LINC00632: variants seen among roughly 807,000 people sequenced by gnomAD.
LINC00632 encodes the protein long independently transcribed non-coding RNA 632, also known as ALDOA related specific transcript.
chrX:140,725,805 CA>C (rs774437121), intron 2 of LINC00632, among the ~76,000 whole-genome samples: 97 of 111,841 alleles, frequency 8.7e-4, no homozygotes, highest in African/African-American at 3.1e-3. Flanking sequence ...TATGCCCTAC[CA>C]AACAACTTTT....
chrX:140,721,224 C>T (rs1930723351), intron 2 of LINC00632, among the ~76,000 whole-genome samples: 1 of 111,659 alleles, frequency 9.0e-6, no homozygotes, highest in African/African-American at 3.3e-5. Context: ...AAGATATGTG[C>T]CTGTAATACC....
intron 3 of LINC00632, among the ~76,000 whole-genome samples, chrX:140,740,800 G>C (rs1188880507): frequency 9.0e-6 from 1 of 111,417 alleles, no homozygotes; most frequent in Non-Finnish European, 1.9e-5. Context: ...TTTTGCACTA[G>C]GCCCCACCAA....
At chrX:140,757,555 G>A (rs1423705810) in intron 3 of LINC00632, among the ~76,000 whole-genome samples, 2 of 111,041 alleles carry the variant, frequency 1.8e-5, no homozygotes, top group Non-Finnish European at 3.8e-5. Flanking sequence ...TGTGACTTCT[G>A]TTTGTATAAT....
At chrX:140,755,957 G>C (rs181067449) in intron 3 of LINC00632, among the ~76,000 whole-genome samples, 1 of 109,231 alleles carries the variant, frequency 9.2e-6, no homozygotes. Flanking sequence ...CATTAAAATG[G>C]ACAAGTACAT....
chrX:140,733,535 G>GT (rs1358169650), intron 2 of LINC00632, among the ~76,000 whole-genome samples: 2 of 112,042 alleles, frequency 1.8e-5, no homozygotes, highest in Non-Finnish European at 3.8e-5. Flanking sequence ...GTGAAATGAA[G>GT]GGCTTAGCCC....
intron 3 of LINC00632, among the ~76,000 whole-genome samples, chrX:140,748,198 A>G (rs1212938519): frequency 4.5e-5 from 5 of 112,069 alleles, no homozygotes; most frequent in Non-Finnish European, 7.5e-5. Context: ...GGGGCATTTC[A>G]TGATCCTTTA....
chrX:140,710,853 A>G (rs1930501396), intron 1 of LINC00632, among the ~76,000 whole-genome samples: 1 of 111,388 alleles, frequency 9.0e-6, no homozygotes. Context: ...GTCTGCTGGT[A>G]GCATGTTTTG....
intron 3 of LINC00632, among the ~76,000 whole-genome samples, chrX:140,750,488 GTATTACATGTTAAA>G (rs947990753): frequency 9.0e-6 from 1 of 110,778 alleles, no homozygotes; most frequent in African/African-American, 3.3e-5. Context: ...CATATTAAAT[GTATTACATGTTAAA>G]ATGTAATACA....
chrX:140,753,150 T>A (rs1345358696), intron 3 of LINC00632, among the ~76,000 whole-genome samples: 1 of 111,799 alleles, frequency 8.9e-6, no homozygotes, highest in East Asian at 2.8e-4. Context: ...AAGGGAAAAT[T>A]AGGACAGATG....
At chrX:140,760,619 C>T (rs1931581566) in intron 3 of LINC00632, among the ~76,000 whole-genome samples, 3 of 111,522 alleles carry the variant, frequency 2.7e-5, no homozygotes, top group South Asian at 7.6e-4. Flanking sequence ...AAAAATACAA[C>T]GATTAGCTGG....
exon 5 of LINC00632, among the ~76,000 whole-genome samples, chrX:140,790,072 C>G (rs6636118): frequency 0.22 from 23,857 of 110,205 alleles, 1,994 homozygotes; most frequent in Middle Eastern, 0.32. Flanking sequence ...TTTGAGATAT[C>G]GTCTTTCTGT....
At chrX:140,777,575 G>A (rs1931889325) in exon 5 of LINC00632, among the ~76,000 whole-genome samples, 1 of 112,562 alleles carries the variant, frequency 8.9e-6, no homozygotes, top group African/African-American at 3.2e-5. Flanking sequence ...GCCAGAATCT[G>A]TATATTTCAA....
chrX:140,746,883 C>T (rs943315707), intron 3 of LINC00632, among the ~76,000 whole-genome samples: 1 of 111,751 alleles, frequency 8.9e-6, no homozygotes. Flanking sequence ...GAGACTGGAG[C>T]TCCTGCAGTA....
intron 3 of LINC00632, among the ~76,000 whole-genome samples, chrX:140,759,497 C>T (rs1169097705): frequency 2.7e-5 from 3 of 109,737 alleles, no homozygotes; most frequent in African/African-American, 1.0e-4. Context: ...GCTGGGACTA[C>T]AGGCACGCAG....
At chrX:140,774,224 G>A (rs537565171) in exon 4 of LINC00632, among the ~76,000 whole-genome samples, 17 of 112,169 alleles carry the variant, frequency 1.5e-4, no homozygotes, top group African/African-American at 5.2e-4. Context: ...CTCTAAGAAT[G>A]TTCAAGTATC....
intron 2 of LINC00632, among the ~76,000 whole-genome samples, chrX:140,719,089 C>T (rs1175497568): frequency 8.9e-6 from 1 of 112,221 alleles, no homozygotes; most frequent in Non-Finnish European, 1.9e-5. Context: ...ATCCCCGTGA[C>T]ATAAATACTG....
At chrX:140,766,404 A>G (rs1282766110) in intron 3 of LINC00632, among the ~76,000 whole-genome samples, 1 of 112,277 alleles carries the variant, frequency 8.9e-6, no homozygotes, top group African/African-American at 3.2e-5. Flanking sequence ...ATAGAAAGAG[A>G]GTGAAGATGT....
chrX:140,715,635 C>A (rs1213016096), intron 2 of LINC00632, among the ~76,000 whole-genome samples: 3 of 110,454 alleles, frequency 2.7e-5, no homozygotes, highest in Non-Finnish European at 3.8e-5. Context: ...AAGAAAACAA[C>A]AACAAAAAAC....
chrX:140,785,621 T>C (rs975378588), exon 5 of LINC00632, among the ~76,000 whole-genome samples: 3 of 112,241 alleles, frequency 2.7e-5, no homozygotes, highest in African/African-American at 9.7e-5. Context: ...CAGCTTTTAT[T>C]CCCCAACCAG....
Sources: allele counts gnomAD v4.1 joint callset (sites outside exome capture counted in the v4.1 genomes callset), GRCh38; gene constraint gnomAD v4.1.1; transcripts MANE v1.5; gene names NCBI Gene and HGNC (gene_info 2026-07-23, HGNC 2026-07-21).